Variants in CCL25 observed in about 807,000 individuals in gnomAD.
CCL25 encodes the protein C-C motif chemokine ligand 25.
In CCL25, 14 loss-of-function variants were observed where a neutral mutation model predicts 19.9. The observed-to-expected ratio is 0.70, with a 90% CI of 0.47 to 1.10. CCL25 has a LOEUF of 1.10. CCL25 is among the 50% of genes least tolerant of loss of function. The pLI, the probability that CCL25 is intolerant of heterozygous loss-of-function variation, is 0.00. For missense variants in CCL25, 151 were observed against 181.2 expected, an observed-to-expected ratio of 0.83 and a Z score of 0.96; for synonymous variants, 68 against 73.2, an observed-to-expected ratio of 0.93 and a Z score of 0.36.
chr19:8,056,162 G>A lies in CCL25; in HGVS notation c.84G>A (p.Glu28=). 2 of 1,545,594 alleles carry A rather than the reference G, an allele frequency of 1.3e-6. No homozygotes were observed. Among genetic ancestry groups the A allele is most frequent in the Non-Finnish European group, 8.7e-7 (1 of 1,148,462 alleles). Residue 28 remains glutamate, a synonymous_variant, in exon 3 of 6, where the codon GAG becomes GAA. Coordinates refer to ENST00000315626, the MANE Select transcript of CCL25 (RefSeq NM_005624.4). ...GCTGTGTGGTTGCAGGTGTCTTTGA[G>A]GACTGCTGCCTGGCCTACCACTACC... ...APAVHTQGVF[E]DCCLAYHYPI...
At chr19:8,053,679 G>A (rs1255612313) in intron 2 of CCL25, among the ~76,000 whole-genome samples, 2 of 151,516 alleles carry the variant, frequency 1.3e-5, no homozygotes, top group African/African-American at 4.9e-5. Flanking sequence ...CTCCCAAGTA[G>A]CTGGGACTAC....
At chr19:8,058,859 C>G (rs1432568749) in intron 5 of CCL25, among the ~76,000 whole-genome samples, 1 of 140,050 alleles carries the variant, frequency 7.1e-6, no homozygotes, top group Admixed American at 8.4e-5. Context: ...GGGGTTTCAC[C>G]ATGTTAGCCA....
upstream of CCL25, chr19:8,052,685 GA>G (rs2081240305): frequency 4.9e-6 from 1 of 203,776 alleles, no homozygotes; most frequent in Non-Finnish European, 9.1e-6. Context: ...AGAGGAGGAG[GA>G]AGGGAGGAGG....
chr19:8,060,332 A>G (rs901070500), intron 5 of CCL25, among the ~76,000 whole-genome samples: 1 of 151,898 alleles, frequency 6.6e-6, no homozygotes, highest in African/African-American at 2.4e-5. Flanking sequence ...ACAAAATGAG[A>G]CCCTGTCTCG....
At chr19:8,056,302 G>GCCC in intron 3 of CCL25, 33 bp downstream of exon 3, 1 of 593,356 alleles carries the variant, frequency 1.7e-6, no homozygotes, top group Non-Finnish European at 3.2e-6. Flanking sequence ...GGGGGGTGGG[G>GCCC]TGCACACACA....
intron 4 of CCL25, among the ~76,000 whole-genome samples, chr19:8,056,944 G>C (rs1411036429): frequency 6.6e-6 from 1 of 152,176 alleles, no homozygotes; most frequent in Admixed American, 6.6e-5. Flanking sequence ...CCAGGCTCAA[G>C]CAATCCTCCT....
chr19:8,053,154 G>C, intron 2 of CCL25, 32 bp downstream of exon 2: 1 of 1,450,074 alleles, frequency 6.9e-7, no homozygotes, highest in Non-Finnish European at 9.4e-7. Flanking sequence ...ACCACCAAGT[G>C]CCCCTCTCCC....
chr19:8,059,157 TATAATATATAATATATATAATATATA>T (rs2081300471), intron 5 of CCL25, among the ~76,000 whole-genome samples: 1 of 38,008 alleles, frequency 2.6e-5, no homozygotes, highest in East Asian at 5.4e-4. Flanking sequence ...ATATAATATA[TATAATATATAATATATATAATATATA>T]AATATATATA....
rs568300624 is a variant in CCL25 at position 8,062,426 on chromosome 19, T to C, written c.*201T>C. The C allele has an allele frequency of 8.2e-5, 49 of 594,888 alleles. No homozygotes were observed. Among genetic ancestry groups the C allele is most frequent in the African/African-American group, 4.6e-4 (25 of 53,816 alleles). 36.9% of individuals were successfully genotyped at this position (594,888 alleles called of 1,614,324 possible). Reference sequence around the variant, plus strand: ...TGGAAAGAGGGAGTTGGCCTGATTTTAAGCCTTTTGCCGCTCCGGGGACCA... The same window carrying C: ...TGGAAAGAGGGAGTTGGCCTGATTTCAAGCCTTTTGCCGCTCCGGGGACCA... On this transcript the variant is annotated 3_prime_UTR_variant, in exon 6 of 6. Transcript: ENST00000315626.
intron 5 of CCL25, among the ~76,000 whole-genome samples, chr19:8,060,698 T>G (rs1436768843): frequency 1.3e-5 from 2 of 151,172 alleles, no homozygotes; most frequent in Non-Finnish European, 2.9e-5. Flanking sequence ...TTTTTTTTTT[T>G]GAGATGGAGT....
chr19:8,056,052 T>C (rs765281576), intron 2 of CCL25, 100 bp from the exon 3 acceptor site: 2 of 771,382 alleles, frequency 2.6e-6, no homozygotes, highest in East Asian at 5.1e-5. Context: ...AGGGTTGTGG[T>C]ATGAGCAGAC....
At position 8,053,019 on chromosome 19, in the gene CCL25, A is replaced by C; in HGVS notation, c.-31A>C. ...CCCCAGGTGGCCCCGTTATTCGTCC[A>C]GGTGCCCAGGGAGGAGGACCCGCCT... On this transcript the variant is annotated 5_prime_UTR_variant, in exon 2 of 6. Transcript: ENST00000315626. 1.3e-6 allele frequency: 2 copies of C among 1,520,806 alleles called. No homozygotes were observed. Among genetic ancestry groups the C allele is most frequent in the Non-Finnish European group, 1.8e-6 (2 of 1,124,124 alleles). 94.2% of individuals were successfully genotyped at this position (1,520,806 alleles called of 1,614,324 possible).
chr19:8,057,963 T>C (rs747178587), intron 5 of CCL25, 43 bp downstream of exon 5: 1 of 1,593,900 alleles, frequency 6.3e-7, no homozygotes, highest in Non-Finnish European at 8.6e-7. Flanking sequence ...TCCATCACCT[T>C]TGCTGAGGGT....
intron 2 of CCL25, among the ~76,000 whole-genome samples, chr19:8,055,426 C>G (rs1409185118): frequency 6.6e-6 from 1 of 150,808 alleles, no homozygotes; most frequent in Non-Finnish European, 1.5e-5. Context: ...AGCTCTGCCT[C>G]CCGGGTTCAC....
At chr19:8,058,527 ATAAT>A (rs2081291109) in intron 5 of CCL25, among the ~76,000 whole-genome samples, 1 of 113,824 alleles carries the variant, frequency 8.8e-6, no homozygotes, top group Non-Finnish European at 1.7e-5. Context: ...TAATATATAA[ATAAT>A]ATATAATATA....
chr19:8,055,536 G>A (rs928389167), intron 2 of CCL25, among the ~76,000 whole-genome samples: 30 of 151,268 alleles, frequency 2.0e-4, no homozygotes, highest in South Asian at 8.4e-4. Flanking sequence ...GGGTTTCACC[G>A]TGTTAGCCAG....
intron 5 of CCL25, among the ~76,000 whole-genome samples, chr19:8,059,175 TAATATATAAA>T (rs2081301443): frequency 8.5e-6 from 1 of 117,064 alleles, no homozygotes; most frequent in Non-Finnish European, 1.7e-5. Flanking sequence ...ATAATATATA[TAATATATAAA>T]TATATATATT....
chr19:8,058,841 G>A (rs2145293840), intron 5 of CCL25, among the ~76,000 whole-genome samples: 1 of 140,022 alleles, frequency 7.1e-6, no homozygotes, highest in Non-Finnish European at 1.5e-5. Context: ...TGTATTTTTA[G>A]TAGAGACGGG....
chr19:8,059,505 G>A (rs2081303735), intron 5 of CCL25, among the ~76,000 whole-genome samples: 1 of 151,980 alleles, frequency 6.6e-6, no homozygotes, highest in African/African-American at 2.4e-5. Flanking sequence ...AGCTGACATT[G>A]TCTATCTGGA....
Sources: gnomAD v4.1 joint callset for allele counts (sites outside exome capture counted in the v4.1 genomes callset) on GRCh38, gnomAD v4.1.1 for gene constraint, MANE v1.5 for transcripts, NCBI Gene and HGNC (gene_info 2026-07-23, HGNC 2026-07-21) for gene names.